The following DLG2 variants were observed in gnomAD, a reference collection of about 807,000 sequenced individuals.
DLG2 encodes disks large homolog 2.
In DLG2, 45 loss-of-function variants were observed where a neutral mutation model predicts 132.5. That is an observed-to-expected ratio of 0.34 (90% CI 0.27 to 0.44). DLG2 has a LOEUF of 0.44. DLG2 is among the 20% of genes least tolerant of loss of function. The pLI, the probability that DLG2 is intolerant of heterozygous loss-of-function variation, is 1.00. For synonymous variants in DLG2, 424 were observed against 419.6 expected (o/e 1.01, Z -0.13); for missense variants, 1,045 against 1,196.9 (o/e 0.87, Z 1.87).
intron 6 of DLG2, among the ~76,000 whole-genome samples, chr11:84,975,293 T>A (rs771425240): frequency 3.9e-5 from 6 of 152,162 alleles, no homozygotes; most frequent in Non-Finnish European, 8.8e-5. Context: ...CAAGATTCCT[T>A]TGCATAGGTG....
At chr11:84,664,782 C>T (rs2099698194) in intron 6 of DLG2, among the ~76,000 whole-genome samples, 1 of 152,124 alleles carries the variant, frequency 6.6e-6, no homozygotes, top group Admixed American at 6.6e-5. Flanking sequence ...TACCAGCACC[C>T]TGTACAAAAT....
chr11:85,425,910 G>A (rs1388114763), intron 3 of DLG2, among the ~76,000 whole-genome samples: 1 of 152,198 alleles, frequency 6.6e-6, no homozygotes, highest in Non-Finnish European at 1.5e-5. Flanking sequence ...GTGACAGATG[G>A]CACCTGGAAA....
At chr11:85,391,305 CCAA>C (rs573803026) in intron 3 of DLG2, among the ~76,000 whole-genome samples, 23 of 151,892 alleles carry the variant, frequency 1.5e-4, no homozygotes, top group African/African-American at 4.8e-4. Flanking sequence ...TTAAAAGTTG[CCAA>C]CAACAAAAAA....
At chr11:84,133,833 G>A (rs1310937425) in intron 9 of DLG2, among the ~76,000 whole-genome samples, 2 of 151,952 alleles carry the variant, frequency 1.3e-5, no homozygotes, top group Non-Finnish European at 2.9e-5. Context: ...ACCAGACAAG[G>A]AACAATATAG....
chr11:83,506,155 G>A (rs570422123), intron 21 of DLG2, among the ~76,000 whole-genome samples: 34 of 152,298 alleles, frequency 2.2e-4, no homozygotes, highest in African/African-American at 7.9e-4. Context: ...GTAGTCAAAC[G>A]TTCAGTTTCC....
intron 18 of DLG2, among the ~76,000 whole-genome samples, chr11:83,644,277 C>T (rs184951568): frequency 3.3e-4 from 51 of 152,260 alleles, no homozygotes; most frequent in African/African-American, 1.1e-3. Flanking sequence ...GTGGCCATCT[C>T]TCCCTCTTCC....
At chr11:85,096,503 G>T (rs2069807317) in intron 6 of DLG2, among the ~76,000 whole-genome samples, 2 of 149,172 alleles carry the variant, frequency 1.3e-5, no homozygotes, top group South Asian at 2.1e-4. Flanking sequence ...CCAGAAGGAA[G>T]AAACTCCAGG....
At chr11:83,905,448 C>A (rs577139554) in intron 15 of DLG2, among the ~76,000 whole-genome samples, 20 of 152,220 alleles carry the variant, frequency 1.3e-4, no homozygotes, top group Admixed American at 1.2e-3. Context: ...GCACTTATCA[C>A]AATTTATGTT....
chr11:84,167,390 A>G (rs2095692798), intron 8 of DLG2, among the ~76,000 whole-genome samples: 1 of 152,120 alleles, frequency 6.6e-6, no homozygotes, highest in Non-Finnish European at 1.5e-5. Flanking sequence ...AATGCATTAA[A>G]TATTTGTTTT....
At chr11:83,930,271 A>G (rs1228073093) in intron 15 of DLG2, 57 bp downstream of exon 15, 1 of 1,592,744 alleles carries the variant, frequency 6.3e-7, no homozygotes, top group East Asian at 2.2e-5. Flanking sequence ...CTACCCATTT[A>G]TCCTTGTGGA....
At chr11:85,507,570 C>T (rs1020416618) in intron 3 of DLG2, among the ~76,000 whole-genome samples, 15 of 152,260 alleles carry the variant, frequency 9.9e-5, no homozygotes, top group African/African-American at 1.4e-4. Context: ...GAGTTTCTGC[C>T]GAGAGATCAG....
chr11:84,705,753 T>G (rs1455170507), intron 6 of DLG2, among the ~76,000 whole-genome samples: 2 of 151,760 alleles, frequency 1.3e-5, no homozygotes, highest in Admixed American at 6.6e-5. Flanking sequence ...TGGAGTTCAG[T>G]AGAAATTATA....
At chr11:85,070,778 A>T (rs146176424) in intron 6 of DLG2, among the ~76,000 whole-genome samples, 121 of 151,874 alleles carry the variant, frequency 8.0e-4, no homozygotes, top group Admixed American at 2.5e-3. Context: ...GCCTGTTCTG[A>T]CTACTCTAGC....
intron 10 of DLG2, among the ~76,000 whole-genome samples, chr11:84,075,266 T>C (rs546878036): frequency 6.6e-6 from 1 of 152,304 alleles, no homozygotes; most frequent in Non-Finnish European, 1.5e-5. Context: ...TGATATTTTG[T>C]GTAGTTGTTT....
chr11:83,825,181 T>TAC (rs2052320298), intron 17 of DLG2, among the ~76,000 whole-genome samples: 1 of 68,826 alleles, frequency 1.5e-5, no homozygotes, highest in Non-Finnish European at 2.7e-5. Flanking sequence ...ATTTTTTTTT[T>TAC]TTTTTTTTTT....
At chr11:85,188,325 G>T (rs1209741614) in intron 4 of DLG2, among the ~76,000 whole-genome samples, 1 of 152,144 alleles carries the variant, frequency 6.6e-6, no homozygotes, top group Non-Finnish European at 1.5e-5. Flanking sequence ...AAATCCTGCA[G>T]GGAAAGAGAT....
At chr11:84,400,566 T>C (rs1448445411) in intron 7 of DLG2, among the ~76,000 whole-genome samples, 1 of 152,200 alleles carries the variant, frequency 6.6e-6, no homozygotes, top group Non-Finnish European at 1.5e-5. Flanking sequence ...AAAACCCTCC[T>C]TACCAAATTC....
At position 83,785,756 on chromosome 11, in the gene DLG2, T is replaced by C. The variant is rs538403480; in HGVS notation, c.1825+934A>G. ...TTCCAAACAACAATAGACCCATCGATGCTAACAAATCATCACTTGAAAAGG... is the reference window on the plus strand; with the variant it reads ...TTCCAAACAACAATAGACCCATCGACGCTAACAAATCATCACTTGAAAAGG... On this transcript the variant is annotated intron_variant, in intron 18 of 27. Coordinates refer to ENST00000376104, the MANE Select transcript of DLG2 (RefSeq NM_001142699.3). Among the ~76,000 whole-genome samples the C allele has an allele frequency of 5.9e-5, 9 of 152,342 alleles. No individual in the cohort carries two copies. The East Asian group carries it at 1.5e-3, about 26-fold the overall frequency.
chr11:84,177,503 T>A (rs2154276657), intron 8 of DLG2, among the ~76,000 whole-genome samples: 1 of 152,302 alleles, frequency 6.6e-6, no homozygotes, highest in Non-Finnish European at 1.5e-5. Context: ...AATTGGCCTC[T>A]TAATAATTTT....
Sources: allele counts gnomAD v4.1 joint callset (sites outside exome capture counted in the v4.1 genomes callset), GRCh38; gene constraint gnomAD v4.1.1; transcripts MANE v1.5; gene names NCBI Gene and HGNC (gene_info 2026-07-23, HGNC 2026-07-21).